The following BBS9 variants were observed in gnomAD, a reference collection of about 807,000 sequenced individuals.
The protein encoded by BBS9 is protein PTHB1.
BBS9 carries 89 observed loss-of-function variants against 117.7 expected under a neutral mutation model. The ratio of observed to expected loss-of-function variants is 0.76; its 90% CI spans 0.64 to 0.90. The LOEUF is 0.90. BBS9 is among the 40% of genes least tolerant of loss of function. The pLI is 0.00. For synonymous variants in BBS9, 379 were observed against 370.9 expected (o/e 1.02, Z -0.25); for missense variants, 982 against 1,042.2 (o/e 0.94, Z 0.80).
At chr7:33,532,678 A>G (rs947520936) in intron 20 of BBS9, among the ~76,000 whole-genome samples, 1 of 152,156 alleles carries the variant, frequency 6.6e-6, no homozygotes, top group Admixed American at 6.5e-5. Flanking sequence ...ACAAAATGAG[A>G]TGTCGGTGGG....
rs57892221 is a variant in BBS9, at chr7:33,294,290, C to CATCTATCT, written c.1016+20391_1016+20398dup. Among the ~76,000 whole-genome samples, 969 of 141,276 alleles carry CATCTATCT rather than the reference C, an allele frequency of 6.9e-3. 7 individuals carry two copies. The highest frequency in any genetic ancestry group is 9.1e-3 in the East Asian group (43 of 4,730). 92.7% of individuals were successfully genotyped at this position (141,276 alleles called of 152,430 possible). On this transcript the variant is annotated intron_variant, in intron 9 of 22. Coordinates refer to ENST00000242067, the MANE Select transcript of BBS9 (RefSeq NM_198428.3). ...GCACACAATACTTCCATCTATCTAT[C>CATCTATCT]ATCTATCTATCTATCTATCTATCTA...
chr7:33,193,633 G>A (rs933657335), intron 5 of BBS9, among the ~76,000 whole-genome samples: 5 of 152,068 alleles, frequency 3.3e-5, no homozygotes, highest in African/African-American at 1.2e-4. Context: ...TGGATATCAT[G>A]CAGTGTGTCT....
intron 9 of BBS9, among the ~76,000 whole-genome samples, chr7:33,333,269 T>A (rs967434135): frequency 2.0e-5 from 3 of 152,186 alleles, no homozygotes; most frequent in African/African-American, 7.2e-5. Context: ...TGCTTTTGCA[T>A]CTTCATAGCT....
intron 19 of BBS9, among the ~76,000 whole-genome samples, chr7:33,402,206 C>G (rs183780687): frequency 6.6e-6 from 1 of 152,162 alleles, no homozygotes; most frequent in Non-Finnish European, 1.5e-5. Flanking sequence ...AAGGGGATCC[C>G]TGTTGCCTAT....
chr7:33,554,719 C>A (rs1855012897), intron 21 of BBS9, among the ~76,000 whole-genome samples: 1 of 152,124 alleles, frequency 6.6e-6, no homozygotes, highest in Non-Finnish European at 1.5e-5. Flanking sequence ...AAAGCCTGGG[C>A]TGCAGATGGA....
At chr7:33,297,152 T>A (rs1451328508) in intron 9 of BBS9, among the ~76,000 whole-genome samples, 1 of 152,138 alleles carries the variant, frequency 6.6e-6, no homozygotes, top group Non-Finnish European at 1.5e-5. Flanking sequence ...AACATATGAC[T>A]CCAGGAGATG....
At chr7:33,158,403 C>G (rs1794381241) in intron 4 of BBS9, among the ~76,000 whole-genome samples, 1 of 152,018 alleles carries the variant, frequency 6.6e-6, no homozygotes, top group African/African-American at 2.4e-5. Context: ...TCCATATATC[C>G]CAGGGCAAAA....
Position 33,513,081 on chromosome 7 carries a change from T to G in BBS9, c.2298+7436T>G, listed in dbSNP as rs1847208701. Among the ~76,000 whole-genome samples the G allele has an allele frequency of 4.6e-5, 7 of 152,202 alleles. No homozygotes were observed. In the South Asian group the frequency reaches 1.5e-3, roughly 32 times the overall value. ...CCAGGCATTGAGTACCTTCAGTCAC[T>G]TGGCTCTACCATATCTCATTTCTAA... is the stretch of plus-strand genomic sequence containing the variant. On this transcript the variant is annotated intron_variant, in intron 20 of 22. Transcript: ENST00000242067.
intron 20 of BBS9, among the ~76,000 whole-genome samples, chr7:33,510,590 G>C (rs1459447419): frequency 2.0e-5 from 3 of 152,102 alleles, no homozygotes; most frequent in Admixed American, 2.0e-4. Flanking sequence ...AACAGACTTA[G>C]AGCCAATCCT....
chr7:33,625,093 T>A (rs1237733613), intron 21 of BBS9, among the ~76,000 whole-genome samples: 1 of 152,200 alleles, frequency 6.6e-6, no homozygotes, highest in African/African-American at 2.4e-5. Context: ...AGTGCCCAAC[T>A]ATTCTATGAG....
intron 20 of BBS9, among the ~76,000 whole-genome samples, chr7:33,527,748 C>G (rs1001359732): frequency 6.6e-6 from 1 of 152,200 alleles, no homozygotes; most frequent in Non-Finnish European, 1.5e-5. Context: ...GGAGCTGTTT[C>G]TATTTGGCCA....
chr7:33,331,296 A>G (rs1813988781), intron 9 of BBS9, among the ~76,000 whole-genome samples: 1 of 152,226 alleles, frequency 6.6e-6, no homozygotes, highest in Admixed American at 6.5e-5. Context: ...GTATATGACA[A>G]ACCCACAGCC....
intron 21 of BBS9, among the ~76,000 whole-genome samples, chr7:33,564,647 T>A (rs538733824): frequency 6.6e-6 from 1 of 152,340 alleles, no homozygotes; most frequent in Non-Finnish European, 1.5e-5. Context: ...CGATAGAAGA[T>A]TACATAAATT....
chr7:33,400,065 A>C (rs1828659563), intron 19 of BBS9, among the ~76,000 whole-genome samples: 1 of 151,996 alleles, frequency 6.6e-6, no homozygotes, highest in Non-Finnish European at 1.5e-5. Context: ...TGCTAGTGTT[A>C]GCTTGAACAA....
chr7:33,492,811 AGTGTGTGTGTGTGTGTGTGTGTGT>A (rs57870306), intron 19 of BBS9, among the ~76,000 whole-genome samples: 1 of 131,580 alleles, frequency 7.6e-6, no homozygotes, highest in Non-Finnish European at 1.6e-5. Flanking sequence ...TATAGGAGTG[AGTGTGTGTGTGTGTGTGTGTGTGT>A]GTGTGTGTGT....
At chr7:33,190,626 C>A (rs1218089160) in intron 5 of BBS9, among the ~76,000 whole-genome samples, 6 of 152,168 alleles carry the variant, frequency 3.9e-5, no homozygotes, top group Non-Finnish European at 7.3e-5. Context: ...CTATTTCCTT[C>A]TGGTTACATG....
At chr7:33,198,124 A>C (rs552755335) in intron 5 of BBS9, among the ~76,000 whole-genome samples, 1 of 152,076 alleles carries the variant, frequency 6.6e-6, no homozygotes, top group South Asian at 2.1e-4. Context: ...TCTTTTATTG[A>C]AATTTGCGAA....
chr7:33,344,605 A>G lies in BBS9; in HGVS notation c.1300A>G (p.Thr434Ala). Residue 434 changes from threonine to alanine, a missense_variant, in exon 12 of 23, where the codon ACT becomes GCT. Physicochemically the swap from Thr to Ala is moderately conservative, Grantham distance 58 (BLOSUM62 0). Coordinates refer to ENST00000242067, the MANE Select transcript of BBS9 (RefSeq NM_198428.3). ...GCAAGCGACCGATGTTGAGGTGGGA[A>G]CTGACCTTGTCCCTTCTGTCACGGT... ...VSQATDVEVG[T>A]DLVPSVTVKV... 2 of 1,614,098 alleles carry G rather than the reference A, an allele frequency of 1.2e-6. No homozygotes were observed. Among genetic ancestry groups the G allele is most frequent in the Non-Finnish European group, 1.7e-6 (2 of 1,179,984 alleles).
At chr7:33,558,568 T>A (rs981909466) in intron 21 of BBS9, among the ~76,000 whole-genome samples, 1 of 152,160 alleles carries the variant, frequency 6.6e-6, no homozygotes, top group African/African-American at 2.4e-5. Context: ...GGAGGCCTTG[T>A]TTCAAAATTT....
Sources: gnomAD v4.1 joint callset for allele counts (sites outside exome capture counted in the v4.1 genomes callset) on GRCh38, gnomAD v4.1.1 for gene constraint, MANE v1.5 for transcripts, NCBI Gene and HGNC (gene_info 2026-07-23, HGNC 2026-07-21) for gene names.